Variants in DOCK7 observed in about 807,000 individuals in gnomAD.
DOCK7 encodes dedicator of cytokinesis protein 7.
DOCK7 carries 138 observed loss-of-function variants against 271.0 expected under a neutral mutation model. The observed-to-expected ratio is 0.51, with a 90% CI of 0.44 to 0.59. The LOEUF (loss-of-function observed/expected upper bound fraction) is 0.59. Among genes scored for constraint, DOCK7 ranks in the 20% least tolerant of loss-of-function variants. The pLI, the probability that DOCK7 is intolerant of heterozygous loss-of-function variation, is 0.00. For missense variants in DOCK7, 2,066 were observed against 2,592.4 expected, an observed-to-expected ratio of 0.80 and a Z score of 4.41; for synonymous variants, 823 against 876.1, an observed-to-expected ratio of 0.94 and a Z score of 1.07.
At chr1:62,456,082 A>G (rs747224797) in intron 49 of DOCK7, among the ~76,000 whole-genome samples, 4 of 152,172 alleles carry the variant, frequency 2.6e-5, no homozygotes, top group African/African-American at 4.8e-5. Flanking sequence ...TCTATAGTCA[A>G]TCTTTTCCAA....
chr1:62,617,400 A>G (rs1297365214), intron 14 of DOCK7, among the ~76,000 whole-genome samples: 1 of 151,978 alleles, frequency 6.6e-6, no homozygotes, highest in Non-Finnish European at 1.5e-5. Context: ...TACAATTTTC[A>G]AAGAATTCTC....
At chr1:62,582,311 G>A (rs569167126) in intron 16 of DOCK7, among the ~76,000 whole-genome samples, 165 of 152,040 alleles carry the variant, frequency 1.1e-3, no homozygotes, top group African/African-American at 3.6e-3. Flanking sequence ...AGCACTTTGG[G>A]AGGCCGAGGC....
At chr1:62,482,279 C>T (rs947916761) in intron 43 of DOCK7, 1 of 151,614 alleles carries the variant, frequency 6.6e-6, no homozygotes, top group South Asian at 2.1e-4. Context: ...TGCCCAAGGT[C>T]ACGCTGTTAG....
Position 62,473,980 on chromosome 1 carries a change from A to G in DOCK7, c.6212+2T>C. ...GATCTTTACGCAGAAAGCCTTGAAT[A>G]CCTTTTAGTAAAATCTTTAAAGCAG... On this transcript the variant is annotated splice_donor_variant, in intron 48 of 49. Transcript: ENST00000635253. LOFTEE classifies it high-confidence loss of function. 6.2e-7 allele frequency: 1 copy of G among 1,611,896 alleles called. No homozygotes were observed. Among genetic ancestry groups the G allele is most frequent in the Non-Finnish European group, 8.5e-7 (1 of 1,178,196 alleles).
At chr1:62,541,402 G>A (rs1645525746) in intron 25 of DOCK7, among the ~76,000 whole-genome samples, 1 of 152,134 alleles carries the variant, frequency 6.6e-6, no homozygotes, top group African/African-American at 2.4e-5. Context: ...CCCTTGAACA[G>A]CATGGGTTTG....
chr1:62,547,715 T>C (rs552363153), intron 22 of DOCK7, among the ~76,000 whole-genome samples: 78 of 152,330 alleles, frequency 5.1e-4, no homozygotes, highest in African/African-American at 1.9e-3. Context: ...CATAACTGAA[T>C]GTTAAAAGAC....
rs776817257 is a variant in DOCK7, at chr1:62,586,557, T to A, written c.1750A>T (p.Thr584Ser). 2 of 1,613,114 alleles carry A rather than the reference T, an allele frequency of 1.2e-6. No homozygotes were observed. Among genetic ancestry groups the A allele is most frequent in the Non-Finnish European group, 1.7e-6 (2 of 1,179,346 alleles). Residue 584 changes from threonine to serine, a missense_variant, in exon 15 of 50, where the codon ACA becomes TCA. Around this residue, in one of 2 missense-constraint regions of DOCK7, gnomAD observed 1,414 missense variants for 1,670.4 expected, o/e 0.85. Coordinates refer to ENST00000635253, the MANE Select transcript of DOCK7 (RefSeq NM_001367561.1). ...CCATACATAAACTGGACTTTCACTG[T>A]TATATTTCTAGCAGAACCTTGACGA... is the stretch of plus-strand genomic sequence containing the variant. ...ANRQGSARNI[T>S]VKVQFMYGED...
rs1646603645 is a variant in DOCK7, at chr1:62,495,815, A to G, written c.4924-134T>C. 2.2e-5 allele frequency: 15 copies of G among 681,222 alleles called. No individual in the cohort carries two copies. The South Asian group carries it at 2.9e-4, about 13-fold the overall frequency. The allele number at this position is 681,222 out of a possible 1,614,324, so 42.2% of individuals were successfully genotyped here. ...TTGTAGGATACTGATATGATTCTGT[A>G]CAGTATAGGTATGTGGGGATATGGT... On this transcript the variant is annotated intron_variant, in intron 38 of 49. Coordinates refer to ENST00000635253, the MANE Select transcript of DOCK7 (RefSeq NM_001367561.1).
chr1:62,583,940 A>G (rs1033836013), intron 15 of DOCK7, among the ~76,000 whole-genome samples: 2 of 152,162 alleles, frequency 1.3e-5, no homozygotes, highest in African/African-American at 4.8e-5. Context: ...AGAGCAGCTG[A>G]TTAGATAAAT....
Position 62,648,480 on chromosome 1 carries a change from CT to C in DOCK7, c.453del (p.Gly152ValfsTer32). 2.0e-6 allele frequency: 3 copies of C among 1,530,714 alleles called. No individual in the cohort carries two copies. The highest frequency in any genetic ancestry group is 1.3e-5 in the South Asian group (1 of 77,450). The allele number at this position is 1,530,714 out of a possible 1,614,324, so 94.8% of individuals were successfully genotyped here. ...GATTCAAAAACTTGTTTTGGCAAAC[CT>C]TTTTGCCTTTCTTTCTGTTTATCTA... is the stretch of plus-strand genomic sequence containing the variant. ...NTLDKQKERQ[K>X]GLPKQVFESD... is the part of the protein sequence containing the mutation. On this transcript the variant is annotated frameshift_variant, in exon 5 of 50. Transcript: ENST00000635253. LOFTEE classifies it high-confidence loss of function.
chr1:62,657,772 T>G (rs1297308058), intron 2 of DOCK7, among the ~76,000 whole-genome samples: 2 of 151,250 alleles, frequency 1.3e-5, no homozygotes, highest in Non-Finnish European at 2.9e-5. Context: ...ACAGACAAAT[T>G]CAATAGCAGA....
rs556074585 is a variant in DOCK7, at chr1:62,603,630, T to C, written c.1682+15076A>G. ...TTAATAAATAGCTGACAGTAAAGTTTATCCATATAAAGACTTGCAAATATT... is the reference window on the plus strand; with the variant it reads ...TTAATAAATAGCTGACAGTAAAGTTCATCCATATAAAGACTTGCAAATATT... On this transcript the variant is annotated intron_variant, in intron 14 of 49. Coordinates refer to ENST00000635253, the MANE Select transcript of DOCK7 (RefSeq NM_001367561.1). Among the ~76,000 whole-genome samples the C allele has an allele frequency of 2.0e-5, 3 of 151,886 alleles. No homozygotes were observed. The South Asian group carries it at 6.2e-4, about 31-fold the overall frequency.
intron 31 of DOCK7, among the ~76,000 whole-genome samples, chr1:62,525,325 A>G (rs942157761): frequency 6.6e-6 from 1 of 152,052 alleles, no homozygotes; most frequent in Non-Finnish European, 1.5e-5. Context: ...GTAAAACTCT[A>G]AACAAAATTA....
intron 11 of DOCK7, among the ~76,000 whole-genome samples, chr1:62,626,698 C>T (rs114610319): frequency 0.021 from 3,165 of 152,032 alleles, 118 homozygotes; most frequent in African/African-American, 0.072. Flanking sequence ...TTAAAACTGA[C>T]TCAAGATGAA....
chr1:62,633,363 TA>T, intron 10 of DOCK7, 134 bp downstream of exon 10: 1 of 659,226 alleles, frequency 1.5e-6, no homozygotes, highest in Non-Finnish European at 2.6e-6. Context: ...ATAGTACTAG[TA>T]AAATTCCTTA....
chr1:62,547,663 T>C (rs1432841158), intron 22 of DOCK7, among the ~76,000 whole-genome samples: 1 of 152,140 alleles, frequency 6.6e-6, no homozygotes, highest in Non-Finnish European at 1.5e-5. Context: ...TGGCATTTGA[T>C]AAAAAGCAAT....
chr1:62,619,220 A>T (rs561400158), intron 13 of DOCK7, among the ~76,000 whole-genome samples: 11 of 152,342 alleles, frequency 7.2e-5, no homozygotes, highest in Non-Finnish European at 1.6e-4. Flanking sequence ...GACTTAGCAA[A>T]CTTTAAGACA....
intron 7 of DOCK7, among the ~76,000 whole-genome samples, chr1:62,645,621 A>C (rs1312671534): frequency 6.6e-6 from 1 of 152,182 alleles, no homozygotes; most frequent in African/African-American, 2.4e-5. Flanking sequence ...TAGTTGCACA[A>C]ATCTAAGAAT....
At chr1:62,494,176 A>C (rs901665090) in intron 40 of DOCK7, 99 bp downstream of exon 40, 9 of 1,142,370 alleles carry the variant, frequency 7.9e-6, no homozygotes, top group Non-Finnish European at 9.6e-6. Flanking sequence ...TAAGTCTTTA[A>C]GCTTTCCTTA....
Sources: allele counts gnomAD v4.1 joint callset (sites outside exome capture counted in the v4.1 genomes callset), GRCh38; gene constraint gnomAD v4.1.1; regional missense constraint gnomAD v4.1.1; transcripts MANE v1.5; gene names NCBI Gene and HGNC (gene_info 2026-07-23, HGNC 2026-07-21).